The following CDON variants were observed in gnomAD, a reference collection of about 807,000 sequenced individuals.
CDON encodes the protein cell adhesion molecule-related/down-regulated by oncogenes.
Under a neutral mutation model 120.9 loss-of-function variants are expected in CDON, and 73 were observed. The ratio of observed to expected loss-of-function variants is 0.60; its 90% CI spans 0.50 to 0.73. The LOEUF (loss-of-function observed/expected upper bound fraction) is 0.73. Among genes scored for constraint, CDON ranks in the 30% least tolerant of loss-of-function variants. CDON has a pLI of 0.00. For missense variants in CDON, 1,470 were observed against 1,587.3 expected (o/e 0.93, Z 1.26); for synonymous variants, 566 against 573.5 (o/e 0.99, Z 0.19).
chr11:126,006,525 A>C (rs1169165227), intron 8 of CDON, among the ~76,000 whole-genome samples: 1 of 152,000 alleles, frequency 6.6e-6, no homozygotes, highest in African/African-American at 2.4e-5. Context: ...AAAATTACCC[A>C]GGCGTGGTGG....
intron 1 of CDON, among the ~76,000 whole-genome samples, chr11:126,042,704 C>T (rs1425608118): frequency 6.6e-6 from 1 of 152,206 alleles, no homozygotes; most frequent in Non-Finnish European, 1.5e-5. Context: ...TCACTACAAC[C>T]TCCGCCTCCC....
chr11:126,057,416 T>C (rs1217782152), intron 1 of CDON, among the ~76,000 whole-genome samples: 1 of 152,230 alleles, frequency 6.6e-6, no homozygotes, highest in African/African-American at 2.4e-5. Context: ...ACAATGCTCA[T>C]TATTGAGCAG....
intron 6 of CDON, among the ~76,000 whole-genome samples, chr11:126,016,055 T>C (rs1947459447): frequency 6.6e-6 from 1 of 152,254 alleles, no homozygotes; most frequent in Non-Finnish European, 1.5e-5. Context: ...TCAGTCTAAA[T>C]TATGCATATT....
chr11:126,057,367 T>C (rs532804972), intron 1 of CDON, among the ~76,000 whole-genome samples: 135 of 152,344 alleles, frequency 8.9e-4, no homozygotes, highest in African/African-American at 3.1e-3. Context: ...ATAAATGTTA[T>C]TCAATAACAT....
At position 126,014,925 on chromosome 11, in the gene CDON, AAACT is replaced by A. The variant is rs1393267521; in HGVS notation, c.1198+312_1198+315del. ...TACAAGGCTGCTCAAGAAACTGATAAAACTAATTATTTCTAAAGAGAGGAACTGA... is the reference window on the plus strand; with the variant it reads ...TACAAGGCTGCTCAAGAAACTGATAAAATTATTTCTAAAGAGAGGAACTGA... On this transcript the variant is annotated intron_variant, in intron 7 of 19. Transcript: ENST00000531738. 4.8e-5 allele frequency: 16 copies of A among 333,090 alleles called. No individual in the cohort carries two copies. The East Asian group carries it at 1.0e-3, about 22-fold the overall frequency. The allele number at this position is 333,090 out of a possible 1,614,324, so 20.6% of individuals were successfully genotyped here.
chr11:126,000,215 T>TA (rs1157255472), intron 11 of CDON, among the ~76,000 whole-genome samples: 27 of 136,476 alleles, frequency 2.0e-4, no homozygotes, highest in African/African-American at 1.1e-4. Context: ...TGTAATTTTT[T>TA]TAAAAAAATA....
intron 11 of CDON, among the ~76,000 whole-genome samples, chr11:125,999,050 C>T (rs1946867047): frequency 6.6e-6 from 1 of 151,966 alleles, no homozygotes. Context: ...AAAACTGTAG[C>T]ATTTAAAAAA....
chr11:126,028,181 C>T (rs531137892), intron 1 of CDON, among the ~76,000 whole-genome samples: 155 of 152,100 alleles, frequency 1.0e-3, no homozygotes, highest in African/African-American at 3.6e-3. Context: ...GCAGAAAATA[C>T]ATAAACGTAT....
rs1040247258 is a variant in CDON at position 125,964,603 on chromosome 11, A to C, written c.3357-2605T>G. 1.4e-4 allele frequency among the ~76,000 whole-genome samples: 21 copies of C among 150,682 alleles called. 1 individual carries two copies. The highest frequency in any genetic ancestry group is 1.3e-3 in the Admixed American group (20 of 14,884). ...CAGCTCCCAGTCTAGCAAAGGAGAC[A>C]GACCAAAAAAAAAAAAGGTTACAAT... On this transcript the variant is annotated intron_variant, in intron 18 of 19. Transcript: ENST00000531738.
At chr11:125,999,457 G>A (rs1248288672) in intron 11 of CDON, among the ~76,000 whole-genome samples, 1 of 152,188 alleles carries the variant, frequency 6.6e-6, no homozygotes, top group Non-Finnish European at 1.5e-5. Flanking sequence ...ACCTCCTCAT[G>A]TGTCAGTTTC....
At chr11:126,052,173 T>A (rs774299563) in intron 1 of CDON, among the ~76,000 whole-genome samples, 14 of 152,198 alleles carry the variant, frequency 9.2e-5, no homozygotes, top group Non-Finnish European at 2.1e-4. Flanking sequence ...AAGACCTACA[T>A]ACAGTCAAAA....
rs143097368 is a variant in CDON, at chr11:125,985,237, T to A, written c.2774-1144A>T. 7.3e-3 allele frequency among the ~76,000 whole-genome samples: 1,112 copies of A among 152,304 alleles called. 14 individuals carry two copies. Among genetic ancestry groups the A allele is most frequent in the African/African-American group, 0.026 (1,067 of 41,560 alleles). On this transcript the variant is annotated intron_variant, in intron 15 of 19. Transcript: ENST00000531738. ...TCGCCCAGGCTGGAGTGCAATGGTG[T>A]GATCTCAGCTCATTGCAGCCCCGTC...
Position 126,015,346 on chromosome 11 carries a change from G to C in CDON, c.1093C>G (p.Leu365Val), listed in dbSNP as rs1947431548. 6.2e-7 allele frequency: 1 copy of C among 1,613,994 alleles called. No individual in the cohort carries two copies. The highest frequency in any genetic ancestry group is 1.3e-5 in the African/African-American group (1 of 74,896). ...TCCACAGTAACCCCACTGATTTTCA[G>C]TCCGTTTCCTGCAGTTAGATGTCGT... ...SARHLTAGNG[L>V]KISGVTVEDV... The change falls in exon 7 of 20, where the codon CTG becomes GTG. Residue 365 changes from leucine (L) to valine (V), a missense_variant. By Grantham distance (32) the Leu-to-Val change is conservative. Transcript: ENST00000531738.
At chr11:126,022,885 G>A (rs1947680613) in intron 2 of CDON, among the ~76,000 whole-genome samples, 1 of 152,072 alleles carries the variant, frequency 6.6e-6, no homozygotes, top group South Asian at 2.1e-4. Flanking sequence ...TTAGGCATGG[G>A]GCTTACATAC....
In CDON at chr11:126,010,606, A is replaced by T; in HGVS notation, c.1287T>A (p.Ser429Arg). 6.2e-7 allele frequency: 1 copy of T among 1,614,202 alleles called. No homozygotes were observed. Among genetic ancestry groups the T allele is most frequent in the Non-Finnish European group, 8.5e-7 (1 of 1,180,012 alleles). The change falls in exon 8 of 20, where the codon AGT (serine) becomes AGA (arginine). Residue 429 changes from serine to arginine, a missense_variant. Ser to Arg is a moderately radical substitution (Grantham distance 110). Coordinates refer to ENST00000531738, the MANE Select transcript of CDON (RefSeq NM_001378964.1). ...GDFVTLSCNA[S>R]GLPVPVIRWY... ...AACGAATGACCGGAACCGGCAGCCCACTGGCATTGCAGGACAGAGTAACAA... is the reference window on the plus strand; with the variant it reads ...AACGAATGACCGGAACCGGCAGCCCTCTGGCATTGCAGGACAGAGTAACAA...
chr11:126,005,951 T>A lies in CDON; in HGVS notation c.1659A>T (p.Ser553=), dbSNP rs1189972015. 1 of 1,614,080 alleles carries A rather than the reference T, an allele frequency of 6.2e-7. No individual in the cohort carries two copies. Among genetic ancestry groups the A allele is most frequent in the Non-Finnish European group, 8.5e-7 (1 of 1,179,992 alleles). Residue 553 remains serine, a synonymous_variant, in exon 9 of 20, where the codon TCA becomes TCT. Coordinates refer to ENST00000531738, the MANE Select transcript of CDON (RefSeq NM_001378964.1). The part of the protein sequence containing the change: ...RDGSETGLLS[S]FPVKVHPSAV... ...CACTGGGATGGACCTTCACCGGAAA[T>A]GAGCTCAGTAACCCAGTTTCTGAAC...
chr11:125,963,914 A>G (rs1945719268), intron 18 of CDON, among the ~76,000 whole-genome samples: 1 of 152,230 alleles, frequency 6.6e-6, no homozygotes, highest in South Asian at 2.1e-4. Flanking sequence ...TGGAGCCACA[A>G]TCAGAGCACT....
At chr11:126,021,577 A>C in intron 2 of CDON, 57 bp from the exon 3 acceptor site, 6 of 1,429,982 alleles carry the variant, frequency 4.2e-6, no homozygotes, top group Non-Finnish European at 5.9e-6. Context: ...AGGAGAGAGA[A>C]AGAAGATTAC....
chr11:125,993,724 T>A (rs1401979086), intron 14 of CDON, among the ~76,000 whole-genome samples: 2 of 151,922 alleles, frequency 1.3e-5, no homozygotes, highest in East Asian at 3.9e-4. Context: ...GCAAGAGACG[T>A]GGTGTAGGCA....
Sources: gnomAD v4.1 joint callset for allele counts (sites outside exome capture counted in the v4.1 genomes callset) on GRCh38, gnomAD v4.1.1 for gene constraint, MANE v1.5 for transcripts, NCBI Gene and HGNC (gene_info 2026-07-23, HGNC 2026-07-21) for gene names.